ACY3: variants seen among roughly 807,000 people sequenced by gnomAD.
ACY3 encodes the protein N-acyl-aromatic-L-amino acid amidohydrolase (carboxylate-forming).
A neutral mutation model predicts 24.6 loss-of-function variants in ACY3; 20 were observed. The observed-to-expected ratio is 0.81, with a 90% confidence interval of 0.57 to 1.18. The LOEUF is 1.18. Ranked by LOEUF, ACY3 falls within the 50% of genes most tolerant of loss-of-function variation. The pLI, the probability that ACY3 is intolerant of heterozygous loss-of-function variation, is 0.00. For synonymous variants in ACY3, 174 were observed against 188.4 expected (o/e 0.92, Z 0.62); for missense variants, 423 against 426.8 (o/e 0.99, Z 0.08).
At position 67,645,312 on chromosome 11, in the gene ACY3, C is replaced by T. The variant is rs779579306; in HGVS notation, c.501G>A (p.Leu167=). 1 of 1,613,764 alleles carries T rather than the reference C, an allele frequency of 6.2e-7. No homozygotes were observed. Among genetic ancestry groups the T allele is most frequent in the East Asian group, 2.2e-5 (1 of 44,874 alleles). ...CCAGTCCATTTTTGGCCACAGAGTC[C>T]AGGTTGTAGCTCTCCTCCCCAGACC... ...YQRSGEESYN[L]DSVAKNGLGL... The change falls in exon 5 of 8, where the codon CTG becomes CTA. Residue 167 remains leucine, a synonymous_variant. Transcript: ENST00000255082.
chr11:67,644,897 C>T, intron 6 of ACY3, 28 bp from the exon 7 acceptor site: 1 of 1,606,504 alleles, frequency 6.2e-7, no homozygotes, highest in Non-Finnish European at 8.5e-7. Flanking sequence ...TGTGTGAGCC[C>T]ATCCCTCCCT....
intron 3 of ACY3, 63 bp from the exon 4 acceptor site, chr11:67,645,950 G>T: frequency 6.7e-7 from 1 of 1,493,136 alleles, no homozygotes; most frequent in South Asian, 1.3e-5. Context: ...AGTGGTTTAA[G>T]GGGAAAGGGG....
intron 3 of ACY3, 113 bp from the exon 4 acceptor site, chr11:67,646,000 G>A: frequency 9.4e-7 from 1 of 1,065,862 alleles, no homozygotes; most frequent in Non-Finnish European, 1.3e-6. Context: ...GCTCGAGCGA[G>A]GGCTTTCCCT....
At chr11:67,643,523 C>T (rs1055283469) in intron 7 of ACY3, among the ~76,000 whole-genome samples, 4 of 151,844 alleles carry the variant, frequency 2.6e-5, no homozygotes, top group African/African-American at 9.7e-5. Context: ...ACTAAAAATA[C>T]AAAAATTAGC....
intron 1 of ACY3, among the ~76,000 whole-genome samples, chr11:67,649,869 C>T (rs991238589): frequency 6.8e-6 from 1 of 146,226 alleles, no homozygotes; most frequent in South Asian, 2.2e-4. Context: ...AGTGTGTGTG[C>T]ATGTGTGTGC....
chr11:67,647,124 AGGATGGCGGTGGGAGGCTCCACAG>A, intron 2 of ACY3, 61 bp from the exon 3 acceptor site: 3 of 1,238,570 alleles, frequency 2.4e-6, no homozygotes, highest in Non-Finnish European at 3.3e-6. Flanking sequence ...GCTCAGGGCA[AGGATGGCGGTGGGAGGCTCCACAG>A]GGCAGCCACC....
At chr11:67,644,638 G>A in intron 7 of ACY3, 122 bp downstream of exon 7, 2 of 898,992 alleles carry the variant, frequency 2.2e-6, no homozygotes, top group East Asian at 2.7e-5. Flanking sequence ...CGAGATGCTG[G>A]TGAGCTCGTG....
chr11:67,645,814 C>T lies in ACY3; in HGVS notation c.310G>A (p.Ala104Thr). ...RELNQLLGPK[A>T]SGQAFDFVLD... ...ACAAAGTCAAAGGCCTGGCCCGAGG[C>T]CTTGGGCCCCAGCAGCTGGTTCAGC... is the stretch of plus-strand genomic sequence containing the variant. The change falls in exon 4 of 8, where the codon GCC becomes ACC. Residue 104 changes from alanine (A) to threonine (T), a missense_variant. Physicochemically the swap from Ala to Thr is moderately conservative, Grantham distance 58. Coordinates refer to ENST00000255082, the MANE Select transcript of ACY3 (RefSeq NM_080658.2). 6.2e-7 allele frequency: 1 copy of T among 1,613,822 alleles called. No homozygotes were observed.
intron 7 of ACY3, among the ~76,000 whole-genome samples, chr11:67,643,450 C>A (rs533982774): frequency 2.0e-3 from 303 of 152,134 alleles, no homozygotes; most frequent in Non-Finnish European, 4.0e-3. Flanking sequence ...GAGGCCAAGG[C>A]GGGTGGATCA....
At chr11:67,647,842 G>T (rs1197329990) in intron 1 of ACY3, among the ~76,000 whole-genome samples, 1 of 152,222 alleles carries the variant, frequency 6.6e-6, no homozygotes, top group Non-Finnish European at 1.5e-5. Context: ...CTACTAAGAG[G>T]TACACCCGCA....
Position 67,642,619 on chromosome 11 carries a change from A to G in ACY3, c.*105T>C. The G allele has an allele frequency of 2.4e-6, 3 of 1,237,472 alleles. 1 individual carries two copies. The South Asian group carries it at 3.7e-5, about 15-fold the overall frequency. The allele number at this position is 1,237,472 out of a possible 1,614,324, so 76.7% of individuals were successfully genotyped here. A position where few individuals can be genotyped will look rare whatever the true frequency, so the allele number is the denominator to read the frequency against. ...CAGGGGTTGGGGAGGCCTGGCAAGG[A>G]ACATGGTGCATGGTAGGTGGCAGAA... On this transcript the variant is annotated 3_prime_UTR_variant, in exon 8 of 8. Transcript: ENST00000255082.
intron 2 of ACY3, 137 bp from the exon 3 acceptor site, chr11:67,647,200 C>T: frequency 3.4e-6 from 2 of 593,424 alleles, no homozygotes; most frequent in Non-Finnish European, 5.7e-6. Flanking sequence ...CAGCTGTGTC[C>T]CACCTGCACC....
intron 1 of ACY3, among the ~76,000 whole-genome samples, chr11:67,648,953 C>T (rs1312401496): frequency 6.6e-6 from 1 of 152,110 alleles, no homozygotes; most frequent in Non-Finnish European, 1.5e-5. Context: ...CCTCCTGGCA[C>T]CTGGAGCCTC....
intron 1 of ACY3, among the ~76,000 whole-genome samples, chr11:67,649,353 G>A (rs570299740): frequency 1.3e-5 from 2 of 152,298 alleles, no homozygotes; most frequent in Admixed American, 6.5e-5. Context: ...TGGGGGCCAG[G>A]GTGCTTCCTG....
rs554880765 is a variant in ACY3, at chr11:67,646,867, G to A, written c.177C>T (p.Ser59=). The A allele has an allele frequency of 5.0e-6, 8 of 1,612,582 alleles. No individual in the cohort carries two copies. Among genetic ancestry groups the A allele is most frequent in the African/African-American group, 4.0e-5 (3 of 75,070 alleles). The change falls in exon 3 of 8, where the codon TCC becomes TCT. Residue 59 remains serine (S), a synonymous_variant. Transcript: ENST00000255082. ...CATGGTCCACGTAGCGGCGGCAGCCGGATGTGGCTGCCGGGTTGGCCAGCA... is the reference window on the plus strand; with the variant it reads ...CATGGTCCACGTAGCGGCGGCAGCCAGATGTGGCTGCCGGGTTGGCCAGCA... ...VPVLANPAAT[S]GCRRYVDHDL...
At position 67,644,872 on chromosome 11, in the gene ACY3, G is replaced by A. The variant is rs1855480548; in HGVS notation, c.635-3C>T. 1 of 1,608,158 alleles carries A rather than the reference G, an allele frequency of 6.2e-7. No individual in the cohort carries two copies. The highest frequency in any genetic ancestry group is 8.5e-7 in the Non-Finnish European group (1 of 1,177,442). ...CTCAAAGGCAGGAAAGGCCGTACCT[G>A]TGTGGGAGGCTGGGTGTGTGAGCCC... is the stretch of plus-strand genomic sequence containing the variant. On this transcript the variant is annotated splice_region_variant and splice_polypyrimidine_tract_variant and intron_variant, in intron 6 of 7. Coordinates refer to ENST00000255082, the MANE Select transcript of ACY3 (RefSeq NM_080658.2).
intron 2 of ACY3, 147 bp from the exon 3 acceptor site, chr11:67,647,210 C>G: frequency 1.8e-6 from 1 of 565,844 alleles, no homozygotes. Context: ...CCACCTGCAC[C>G]CCCAGTGGCC....
rs2447586 is a variant in ACY3, at chr11:67,645,894, A to T, written c.237-7T>A. On this transcript the variant is annotated splice_region_variant and splice_polypyrimidine_tract_variant and intron_variant, in intron 3 of 7. Coordinates refer to ENST00000255082, the MANE Select transcript of ACY3 (RefSeq NM_080658.2). ...GTCCGGGGTGGGCCTGGAACTGTGGAGACGGGAATGGGGGACACCGATCTT... is the reference window on the plus strand; with the variant it reads ...GTCCGGGGTGGGCCTGGAACTGTGGTGACGGGAATGGGGGACACCGATCTT... 1,487 of 1,585,108 alleles carry T rather than the reference A, an allele frequency of 9.4e-4. 9 individuals are homozygous for T. In the African/African-American group the frequency reaches 0.017, roughly 19 times the overall value.
At chr11:67,646,472 G>A (rs1855518825) in intron 3 of ACY3, among the ~76,000 whole-genome samples, 1 of 152,206 alleles carries the variant, frequency 6.6e-6, no homozygotes. Context: ...CTGGAGATAG[G>A]ATGCAGTGAC....
Sources: allele counts gnomAD v4.1 joint callset (sites outside exome capture counted in the v4.1 genomes callset), GRCh38; gene constraint gnomAD v4.1.1; transcripts MANE v1.5; gene names NCBI Gene and HGNC (gene_info 2026-07-23, HGNC 2026-07-21).